The following ATR variants were observed in gnomAD, a reference collection of about 807,000 sequenced individuals.
ATR encodes ATR checkpoint kinase.
ATR carries 142 observed loss-of-function variants against 305.3 expected under a neutral mutation model. That is an observed-to-expected ratio of 0.47 (90% CI 0.41 to 0.53). ATR has a LOEUF of 0.53. Among genes scored for constraint, ATR ranks in the 20% least tolerant of loss-of-function variants. The pLI, the probability that ATR is intolerant of heterozygous loss-of-function variation, is 0.00. For synonymous variants in ATR, 1,050 were observed against 1,068.1 expected (o/e 0.98, Z 0.33); for missense variants, 2,135 against 3,133.1 (o/e 0.68, Z 7.60).
At chr3:142,510,828 A>G (rs2032514075) in intron 27 of ATR, among the ~76,000 whole-genome samples, 1 of 152,122 alleles carries the variant, frequency 6.6e-6, no homozygotes, top group Non-Finnish European at 1.5e-5. Flanking sequence ...AGGTTCAAAG[A>G]AAGTAAGAAT....
Position 142,492,606 on chromosome 3 carries a change from C to T in ATR, c.6078+526G>A, listed in dbSNP as rs141213143. 3.3e-3 allele frequency among the ~76,000 whole-genome samples: 498 copies of T among 152,138 alleles called. 1 individual carries two copies. Among genetic ancestry groups the T allele is most frequent in the African/African-American group, 0.011 (455 of 41,502 alleles). On this transcript the variant is annotated intron_variant, in intron 35 of 46. Coordinates refer to ENST00000350721, the MANE Select transcript of ATR (RefSeq NM_001184.4). ...AACTCTTTGGGATAGATACTTAACT[C>T]GTTAATTTTGAACCTTTATTTTCTT...
At chr3:142,541,207 T>C (rs971264401) in intron 17 of ATR, among the ~76,000 whole-genome samples, 173 bp from the exon 18 acceptor site, 4 of 152,246 alleles carry the variant, frequency 2.6e-5, no homozygotes, top group Admixed American at 1.3e-4. Flanking sequence ...TTATGTCTTA[T>C]GTGGTAATTA....
At chr3:142,522,225 T>G (rs1361199474) in intron 23 of ATR, among the ~76,000 whole-genome samples, 1 of 152,154 alleles carries the variant, frequency 6.6e-6, no homozygotes, top group African/African-American at 2.4e-5. Flanking sequence ...TTTACATTGG[T>G]TTTTAGACAT....
intron 44 of ATR, among the ~76,000 whole-genome samples, chr3:142,457,963 T>A (rs1467489440): frequency 1.3e-5 from 2 of 152,340 alleles, no homozygotes; most frequent in East Asian, 3.9e-4. Context: ...TGATCTTGGA[T>A]AAGATCTAGG....
At chr3:142,509,054 A>G (rs566464522) in intron 27 of ATR, among the ~76,000 whole-genome samples, 1 of 152,272 alleles carries the variant, frequency 6.6e-6, no homozygotes, top group East Asian at 1.9e-4. Context: ...AGGACAGTCT[A>G]GTTTATGAAT....
chr3:142,468,653 T>C (rs1448260520), intron 38 of ATR, among the ~76,000 whole-genome samples: 1 of 152,186 alleles, frequency 6.6e-6, no homozygotes, highest in Non-Finnish European at 1.5e-5. Flanking sequence ...GACCAACATA[T>C]GAATTCCCAT....
intron 5 of ATR, among the ~76,000 whole-genome samples, chr3:142,560,869 T>C (rs2034855871): frequency 6.6e-6 from 1 of 152,216 alleles, no homozygotes; most frequent in South Asian, 2.1e-4. Context: ...CTGAAATTTA[T>C]ACTAAGATTT....
At chr3:142,539,411 A>C (rs762592273) in intron 18 of ATR, among the ~76,000 whole-genome samples, 4 of 152,162 alleles carry the variant, frequency 2.6e-5, no homozygotes, top group African/African-American at 4.8e-5. Context: ...TGCCAACTTG[A>C]AGGGATTTCT....
intron 21 of ATR, among the ~76,000 whole-genome samples, chr3:142,530,183 G>A (rs1422228479): frequency 6.6e-6 from 1 of 151,758 alleles, no homozygotes; most frequent in African/African-American, 2.4e-5. Flanking sequence ...CTTGCTAAAT[G>A]TTTAGTCAAA....
intron 23 of ATR, among the ~76,000 whole-genome samples, chr3:142,521,870 G>A (rs1164700948): frequency 3.9e-5 from 6 of 152,178 alleles, no homozygotes; most frequent in East Asian, 1.9e-4. Context: ...AGGTGACAAC[G>A]AAGGATTTAG....
intron 31 of ATR, chr3:142,499,286 T>C (rs869312490): frequency 2.5e-5 from 8 of 313,768 alleles, no homozygotes; most frequent in African/African-American, 1.8e-4. Flanking sequence ...TTATGTCATA[T>C]TAAAACCGCT....
chr3:142,578,579 G>C (rs185682871), intron 1 of ATR, 67 bp downstream of exon 1: 1 of 1,532,158 alleles, frequency 6.5e-7, no homozygotes, highest in Non-Finnish European at 8.9e-7. Context: ...GGGGAGGGGA[G>C]AGCACGTGAA....
intron 10 of ATR, 37 bp downstream of exon 10, chr3:142,555,840 T>A (rs2034649438): frequency 1.3e-6 from 2 of 1,575,034 alleles, no homozygotes; most frequent in Non-Finnish European, 1.7e-6. Flanking sequence ...AGAGCTTAAA[T>A]AGGTTTTAAA....
intron 21 of ATR, among the ~76,000 whole-genome samples, chr3:142,524,598 AAC>A (rs1185833541): frequency 3.9e-5 from 6 of 152,204 alleles, no homozygotes; most frequent in Admixed American, 6.5e-5. Context: ...AATAAGAAAA[AAC>A]ACAGAGTAAC....
rs2108395502 is a variant in ATR, at chr3:142,522,740, G to C, written c.4254C>G (p.Ala1418=). The change falls in exon 23 of 47, where the codon GCC becomes GCG. Residue 1418 remains alanine (A), a synonymous_variant. Transcript: ENST00000350721. ...TATCCACTCTTACCTGAATGGCATA[G>C]GCAGCTGAATCTTGAGCTCGGCTAT... is the stretch of plus-strand genomic sequence containing the variant. ...ADNSRAQDSA[A]YAIQELLSIY... 1 of 1,612,064 alleles carries C rather than the reference G, an allele frequency of 6.2e-7. No individual in the cohort carries two copies. The highest frequency in any genetic ancestry group is 8.5e-7 in the Non-Finnish European group (1 of 1,178,232).
rs2108311198 is a variant in ATR at position 142,485,211 on chromosome 3, C to A, written c.6150G>T (p.Met2050Ile). ...CCATTTTGTTGTCTGTGACCATGGG[C>A]ATCAATTTGTCATAGTACTTGGCAA... ...FYLAKYYDKL[M>I]PMVTDNKMEK... The change falls in exon 36 of 47, where the codon ATG becomes ATT. Residue 2050 changes from methionine (M) to isoleucine (I), a missense_variant. By Grantham distance (10) the Met-to-Ile change is conservative. This residue lies in a region of ATR where 462 missense variants were observed against 887.6 expected (regional missense o/e 0.52). Transcript: ENST00000350721. The A allele has an allele frequency of 6.2e-7, 1 of 1,614,154 alleles. No individual in the cohort carries two copies. Among genetic ancestry groups the A allele is most frequent in the Non-Finnish European group, 8.5e-7 (1 of 1,180,006 alleles).
intron 18 of ATR, among the ~76,000 whole-genome samples, chr3:142,539,845 C>A (rs1257463440): frequency 6.6e-6 from 1 of 152,138 alleles, no homozygotes; most frequent in African/African-American, 2.4e-5. Context: ...ATCATTATTT[C>A]ATCAACTGCA....
chr3:142,485,726 T>C (rs538299432), intron 35 of ATR, among the ~76,000 whole-genome samples: 1 of 152,152 alleles, frequency 6.6e-6, no homozygotes, highest in Non-Finnish European at 1.5e-5. Flanking sequence ...TTAAAAAGCA[T>C]AAAAATTTTG....
intron 31 of ATR, 133 bp downstream of exon 31, chr3:142,499,494 C>T (rs2031835555): frequency 1.3e-6 from 1 of 762,806 alleles, no homozygotes; most frequent in Non-Finnish European, 2.3e-6. Flanking sequence ...CGGGGTTTCA[C>T]TGTGTTAGCC....
Sources: allele counts gnomAD v4.1 joint callset (sites outside exome capture counted in the v4.1 genomes callset), GRCh38; gene constraint gnomAD v4.1.1; regional missense constraint gnomAD v4.1.1; transcripts MANE v1.5; gene names NCBI Gene and HGNC (gene_info 2026-07-23, HGNC 2026-07-21).